The following EYA1 variants were observed in gnomAD, a reference collection of about 807,000 sequenced individuals.
EYA1 encodes EYA transcriptional coactivator and phosphatase 1.
In EYA1, 16 loss-of-function variants were observed where a neutral mutation model predicts 82.0. That is an observed-to-expected ratio of 0.20 (90% CI 0.13 to 0.30). EYA1 has a LOEUF of 0.30. EYA1 is among the 10% of genes least tolerant of loss of function. The pLI is 1.00. For missense variants in EYA1, 633 were observed against 730.7 expected, an observed-to-expected ratio of 0.87 and a Z score of 1.54; for synonymous variants, 261 against 264.4, an observed-to-expected ratio of 0.99 and a Z score of 0.12.
chr8:71,222,613 G>A (rs568619243), intron 12 of EYA1, among the ~76,000 whole-genome samples: 1 of 152,356 alleles, frequency 6.6e-6, no homozygotes, highest in South Asian at 2.1e-4. Flanking sequence ...TCCTGCAGAG[G>A]CAGGTGCTCA....
At chr8:71,322,584 C>A (rs965096646) in intron 4 of EYA1, 20 of 355,708 alleles carry the variant, frequency 5.6e-5, no homozygotes, top group African/African-American at 4.2e-4. Flanking sequence ...TACAAGGAGT[C>A]CTGGCTACTG....
intron 2 of EYA1, among the ~76,000 whole-genome samples, chr8:71,388,863 G>C (rs766376232): frequency 7.9e-5 from 12 of 152,078 alleles, no homozygotes; most frequent in Non-Finnish European, 1.5e-5. Context: ...GACTGGTCCT[G>C]GTTATCAAAC....
chr8:71,467,068 G>A (rs1244524744), intron 2 of EYA1, among the ~76,000 whole-genome samples: 1 of 152,010 alleles, frequency 6.6e-6, no homozygotes, highest in African/African-American at 2.4e-5. Flanking sequence ...AGGTTAATAA[G>A]TAAAATTAAG....
At chr8:71,369,202 CA>C (rs368382614) in intron 2 of EYA1, among the ~76,000 whole-genome samples, 1,824 of 57,656 alleles carry the variant, frequency 0.032, 8 homozygotes, top group African/African-American at 0.077. Context: ...GACTCCGTCT[CA>C]AAAAAAAAAA....
At chr8:71,390,885 C>A (rs1030465327) in intron 2 of EYA1, among the ~76,000 whole-genome samples, 13 of 152,180 alleles carry the variant, frequency 8.5e-5, no homozygotes, top group Admixed American at 1.3e-4. Context: ...CTCACTCTTT[C>A]CTTTGTCATC....
chr8:71,417,443 A>AAACTTG (rs1563593877), intron 2 of EYA1, among the ~76,000 whole-genome samples: 1 of 152,174 alleles, frequency 6.6e-6, no homozygotes, highest in Non-Finnish European at 1.5e-5. Context: ...TTAGAAAGCC[A>AAACTTG]TTTTTTGCCT....
intron 2 of EYA1, among the ~76,000 whole-genome samples, chr8:71,486,902 T>C (rs1810613196): frequency 6.6e-6 from 1 of 151,440 alleles, no homozygotes; most frequent in Non-Finnish European, 1.5e-5. Flanking sequence ...AGAAGTGCTA[T>C]TTTCATCTCC....
intron 2 of EYA1, among the ~76,000 whole-genome samples, chr8:71,498,718 G>A (rs570266320): frequency 5.8e-4 from 89 of 152,238 alleles, no homozygotes; most frequent in African/African-American, 2.1e-3. Context: ...ATCAATCTCC[G>A]AGTCGGTTAA....
At chr8:71,205,541 G>A (rs900255765) in intron 17 of EYA1, among the ~76,000 whole-genome samples, 3 of 152,042 alleles carry the variant, frequency 2.0e-5, no homozygotes, top group Admixed American at 2.0e-4. Context: ...ACTCCTGCAA[G>A]AGATCCTTTC....
chr8:71,528,117 C>T (rs530758179), intron 2 of EYA1, among the ~76,000 whole-genome samples: 1 of 152,172 alleles, frequency 6.6e-6, no homozygotes, highest in African/African-American at 2.4e-5. Context: ...AGCTCTCACA[C>T]TCCTGCATGT....
chr8:71,220,848 G>A (rs756777399), intron 12 of EYA1, among the ~76,000 whole-genome samples: 16 of 152,288 alleles, frequency 1.1e-4, no homozygotes, highest in Middle Eastern at 3.4e-3. Context: ...TAGGAGGAAG[G>A]AGCCAGGAGA....
In EYA1 at chr8:71,538,590, C is replaced by T. The variant is rs553162796; in HGVS notation, c.-72-2742G>A. On this transcript the variant is annotated intron_variant, in intron 1 of 18. Coordinates refer to the EYA1 transcript ENST00000643681. ...GTTTACCTATCCACCTACTTGCCTG[C>T]CTATCTACACACATAGAGAGCAACT... 2.6e-5 allele frequency among the ~76,000 whole-genome samples: 4 copies of T among 151,334 alleles called. No homozygotes were observed. The East Asian group carries it at 7.8e-4, about 30-fold the overall frequency.
chr8:71,494,605 C>G (rs1356003205), intron 2 of EYA1, among the ~76,000 whole-genome samples: 1 of 152,040 alleles, frequency 6.6e-6, no homozygotes. Flanking sequence ...TACCATATAA[C>G]ATTTGTGAAT....
At chr8:71,535,203 C>A (rs374830691) in intron 2 of EYA1, among the ~76,000 whole-genome samples, 1 of 152,074 alleles carries the variant, frequency 6.6e-6, no homozygotes, top group East Asian at 1.9e-4. Flanking sequence ...TGATACAAAC[C>A]TGTAGAAAAT....
At chr8:71,481,213 G>T (rs1282619639) in intron 2 of EYA1, among the ~76,000 whole-genome samples, 1 of 152,138 alleles carries the variant, frequency 6.6e-6, no homozygotes, top group African/African-American at 2.4e-5. Context: ...ACATAATAAA[G>T]TTGGACATTA....
intron 2 of EYA1, among the ~76,000 whole-genome samples, chr8:71,432,765 G>A (rs980729038): frequency 2.0e-5 from 3 of 152,100 alleles, no homozygotes; most frequent in African/African-American, 7.2e-5. Context: ...AATTTTGGGG[G>A]AATACAATGC....
chr8:71,339,675 T>C (rs560895651), intron 3 of EYA1, among the ~76,000 whole-genome samples: 4 of 152,310 alleles, frequency 2.6e-5, no homozygotes, highest in African/African-American at 7.2e-5. Flanking sequence ...TTAATTTCAA[T>C]GAAAGTTTCC....
At chr8:71,320,023 C>T (rs145568142) in intron 6 of EYA1, among the ~76,000 whole-genome samples, 1 of 152,296 alleles carries the variant, frequency 6.6e-6, no homozygotes, top group African/African-American at 2.4e-5. Flanking sequence ...TCTCCCCCTC[C>T]CTTATCCCCA....
intron 2 of EYA1, among the ~76,000 whole-genome samples, chr8:71,491,972 C>A (rs1389820163): frequency 3.3e-5 from 5 of 152,044 alleles, no homozygotes; most frequent in African/African-American, 9.7e-5. Flanking sequence ...TAATGCCAAC[C>A]AGCATCCCAT....
Sources: allele counts gnomAD v4.1 joint callset (sites outside exome capture counted in the v4.1 genomes callset), GRCh38; gene constraint gnomAD v4.1.1; transcripts MANE v1.5; gene names NCBI Gene and HGNC (gene_info 2026-07-23, HGNC 2026-07-21).